CA10: variants seen among roughly 807,000 people sequenced by gnomAD.
The protein encoded by CA10 is carbonic anhydrase 10 (inactive).
CA10 carries 14 observed loss-of-function variants against 44.2 expected under a neutral mutation model. The observed-to-expected ratio is 0.32, with a 90% confidence interval of 0.21 to 0.50. The LOEUF (loss-of-function observed/expected upper bound fraction) is 0.50, where lower values mean the gene tolerates loss of function less well. CA10 is among the 20% of genes least tolerant of loss of function. The pLI is 0.99. For synonymous variants in CA10, 159 were observed against 141.6 expected (o/e 1.12, Z -0.87); for missense variants, 350 against 409.7 (o/e 0.85, Z 1.26).
At chr17:51,660,785 T>C (rs1443308650) in intron 4 of CA10, among the ~76,000 whole-genome samples, 2 of 152,208 alleles carry the variant, frequency 1.3e-5, no homozygotes, top group African/African-American at 4.8e-5. Context: ...AACATAAAGA[T>C]GCACATCTGG....
intron 6 of CA10, among the ~76,000 whole-genome samples, chr17:51,644,722 T>C (rs1913247434): frequency 6.6e-6 from 1 of 151,930 alleles, no homozygotes; most frequent in South Asian, 2.1e-4. Flanking sequence ...CTAAAAGTCT[T>C]ACAGTCATCC....
intron 1 of CA10, among the ~76,000 whole-genome samples, chr17:52,131,442 T>C (rs2143349376): frequency 6.6e-6 from 1 of 152,296 alleles, no homozygotes; most frequent in East Asian, 1.9e-4. Context: ...ATAATTCTCT[T>C]CTGAGTGATA....
chr17:51,769,781 G>C (rs923822962), intron 3 of CA10, among the ~76,000 whole-genome samples: 2 of 152,184 alleles, frequency 1.3e-5, no homozygotes, highest in African/African-American at 4.8e-5. Flanking sequence ...TGAATTGATT[G>C]TTCAGCCCCA....
rs551546431 is a variant in CA10, at chr17:51,964,422, T to C, written c.137-33290A>G. Among the ~76,000 whole-genome samples the C allele has an allele frequency of 1.0e-3, 158 of 152,130 alleles. No individual in the cohort carries two copies. In the South Asian group the frequency reaches 0.018, roughly 17 times the overall value. ...ACCAGTTGGACCTAATGGACATCTA[T>C]ATAACACTCCACACAGAAACCACAG... On this transcript the variant is annotated intron_variant, in intron 2 of 8. Transcript: ENST00000451037.
chr17:51,670,277 C>T (rs1272585930), intron 4 of CA10, among the ~76,000 whole-genome samples: 2 of 152,196 alleles, frequency 1.3e-5, no homozygotes, highest in African/African-American at 2.4e-5. Context: ...CAATGCCCTA[C>T]AGAGGTCATC....
intron 3 of CA10, among the ~76,000 whole-genome samples, chr17:51,788,855 C>T (rs758206920): frequency 2.6e-5 from 4 of 152,152 alleles, no homozygotes; most frequent in Non-Finnish European, 5.9e-5. Context: ...AGTTTCCTCC[C>T]CTGAAAGATT....
At chr17:51,638,721 G>A (rs1040953509) in intron 6 of CA10, among the ~76,000 whole-genome samples, 11 of 152,202 alleles carry the variant, frequency 7.2e-5, no homozygotes, top group African/African-American at 2.7e-4. Flanking sequence ...ACATAAATCT[G>A]CATTGGGCCC....
intron 4 of CA10, among the ~76,000 whole-genome samples, chr17:51,737,405 G>A (rs1455621611): frequency 6.9e-6 from 1 of 145,818 alleles, no homozygotes. Context: ...GTTTGGGCTA[G>A]ATGAGTTCTA....
At chr17:51,974,317 G>A (rs1038871984) in intron 2 of CA10, among the ~76,000 whole-genome samples, 2 of 151,298 alleles carry the variant, frequency 1.3e-5, no homozygotes, top group African/African-American at 4.9e-5. Flanking sequence ...CCGGGAGGTG[G>A]AGGTTGCAGT....
At chr17:52,116,766 A>G (rs1431723341) in intron 1 of CA10, among the ~76,000 whole-genome samples, 4 of 152,140 alleles carry the variant, frequency 2.6e-5, no homozygotes, top group Non-Finnish European at 4.4e-5. Flanking sequence ...AAAGGGTAAA[A>G]GTTTTTACCA....
In CA10 at chr17:51,745,291, A is replaced by G. The variant is rs531887189; in HGVS notation, c.465+2342T>C. 2.6e-4 allele frequency among the ~76,000 whole-genome samples: 39 copies of G among 152,320 alleles called. No individual in the cohort carries two copies. The East Asian group carries it at 7.3e-3, about 29-fold the overall frequency. ...CAAAATCTCTTGGGGAAAGTTTTAC[A>G]AATGTACAAACCTGGATCCTATATC... On this transcript the variant is annotated intron_variant, in intron 4 of 8. Coordinates refer to ENST00000451037, the MANE Select transcript of CA10 (RefSeq NM_020178.5).
At chr17:52,041,449 A>G (rs1007728027) in intron 2 of CA10, among the ~76,000 whole-genome samples, 1 of 152,120 alleles carries the variant, frequency 6.6e-6, no homozygotes, top group Admixed American at 6.5e-5. Flanking sequence ...TTATTAAGGT[A>G]TAATTGACAA....
intron 2 of CA10, among the ~76,000 whole-genome samples, chr17:51,947,423 C>T (rs995665496): frequency 6.6e-6 from 1 of 151,558 alleles, no homozygotes; most frequent in Non-Finnish European, 1.5e-5. Context: ...GTGACCTTGC[C>T]GGTCTCTTTG....
intron 3 of CA10, among the ~76,000 whole-genome samples, chr17:51,846,617 C>T (rs1835877526): frequency 6.6e-6 from 1 of 152,228 alleles, no homozygotes; most frequent in African/African-American, 2.4e-5. Flanking sequence ...CATGCCCCTC[C>T]ATATTAATCT....
intron 3 of CA10, among the ~76,000 whole-genome samples, chr17:51,793,116 A>G (rs1290188198): frequency 6.6e-6 from 1 of 152,170 alleles, no homozygotes; most frequent in East Asian, 1.9e-4. Context: ...TTCTCTCTCT[A>G]TGGCCAATGC....
In CA10 at chr17:52,031,561, T is replaced by TCACCACC. The variant is rs1986468304; in HGVS notation, c.136+40757_136+40758insGGTGGTG. ...GGTAGTGTTCACCAATTCACCACTG[T>TCACCACC]ATAATAGGAATAACATGGGATTCTG... On this transcript the variant is annotated intron_variant, in intron 2 of 8. Coordinates refer to ENST00000451037, the MANE Select transcript of CA10 (RefSeq NM_020178.5). Among the ~76,000 whole-genome samples, 3 of 152,186 alleles carry TCACCACC rather than the reference T, an allele frequency of 2.0e-5. No individual in the cohort carries two copies. In the South Asian group the frequency reaches 6.2e-4, roughly 31 times the overall value.
At chr17:51,637,608 T>C (rs1007686748) in intron 6 of CA10, among the ~76,000 whole-genome samples, 4 of 152,212 alleles carry the variant, frequency 2.6e-5, no homozygotes, top group Non-Finnish European at 5.9e-5. Context: ...CTCTTCAGTT[T>C]AGTATTGTGC....
intron 6 of CA10, among the ~76,000 whole-genome samples, chr17:51,641,678 G>A (rs971966): frequency 0.69 from 105,543 of 151,996 alleles, 36,980 homozygotes; most frequent in South Asian, 0.8. Context: ...GTTCTTAGTC[G>A]TGGTTACAAC....
intron 3 of CA10, among the ~76,000 whole-genome samples, chr17:51,758,917 A>C (rs1455983789): frequency 6.6e-6 from 1 of 152,174 alleles, no homozygotes; most frequent in African/African-American, 2.4e-5. Context: ...TTCAAGAGCC[A>C]GACTGTGAAT....
Sources: gnomAD v4.1 joint callset for allele counts (sites outside exome capture counted in the v4.1 genomes callset) on GRCh38, gnomAD v4.1.1 for gene constraint, MANE v1.5 for transcripts, NCBI Gene and HGNC (gene_info 2026-07-23, HGNC 2026-07-21) for gene names.